Variants in ZFHX4 observed in about 807,000 individuals in gnomAD.
ZFHX4 encodes zinc finger homeobox 4.
Under a neutral mutation model 267.6 loss-of-function variants are expected in ZFHX4, and 56 were observed. The ratio of observed to expected loss-of-function variants is 0.21; its 90% confidence interval spans 0.17 to 0.26. ZFHX4 has a LOEUF of 0.26. Ranked by LOEUF, ZFHX4 falls within the 10% of genes least tolerant of loss-of-function variation. The probability of loss-of-function intolerance (pLI) is 1.00; values close to 1 mark genes in which losing one functional copy is unlikely to be tolerated. For synonymous variants in ZFHX4, 1,778 were observed against 1,665.6 expected (o/e 1.07, Z -1.64); for missense variants, 4,332 against 4,420.0 (o/e 0.98, Z 0.56).
At chr8:76,738,237 A>G (rs1809217121) in intron 3 of ZFHX4, among the ~76,000 whole-genome samples, 1 of 152,134 alleles carries the variant, frequency 6.6e-6, no homozygotes, top group Non-Finnish European at 1.5e-5. Flanking sequence ...AGGTGCCCCC[A>G]TTAAGATCCT....
At chr8:76,775,134 G>T (rs1366664829) in intron 3 of ZFHX4, among the ~76,000 whole-genome samples, 1 of 152,170 alleles carries the variant, frequency 6.6e-6, no homozygotes. Context: ...TGAGAAAAAT[G>T]TGAAGACAGT....
At chr8:76,783,745 A>G (rs1246522575) in intron 4 of ZFHX4, among the ~76,000 whole-genome samples, 2 of 152,060 alleles carry the variant, frequency 1.3e-5, no homozygotes, top group Non-Finnish European at 2.9e-5. Context: ...GTTTTTATTT[A>G]GCTTTGTGAT....
At position 76,855,983 on chromosome 8, in the gene ZFHX4, C is replaced by T; in HGVS notation, c.9062C>T (p.Ser3021Phe). The change falls in exon 10 of 11, where the codon TCC becomes TTC. Residue 3021 changes from serine (S) to phenylalanine (F), a missense_variant. This residue lies in a region of ZFHX4 where 1,648 missense variants were observed against 1,625.0 expected (regional missense o/e 1.01). Coordinates refer to ENST00000651372, the MANE Select transcript of ZFHX4 (RefSeq NM_024721.5). ...LCGVKYSARL[S>F]IRDHIFSKQH... is the part of the protein sequence containing the mutation. ...GGGGTGAAGTACTCTGCCCGCTTGTCCATCAGAGATCACATTTTCTCCAAA... is the reference window on the plus strand; with the variant it reads ...GGGGTGAAGTACTCTGCCCGCTTGTTCATCAGAGATCACATTTTCTCCAAA... The T allele has an allele frequency of 6.2e-7, 1 of 1,613,984 alleles. No homozygotes were observed. The highest frequency in any genetic ancestry group is 8.5e-7 in the Non-Finnish European group (1 of 1,179,882).
Position 76,721,030 on chromosome 8 carries a change from T to TG in ZFHX4, c.3093+12983dup, listed in dbSNP as rs140682493. Among the ~76,000 whole-genome samples the TG allele has an allele frequency of 1.3e-3, 192 of 152,274 alleles. 4 individuals carry two copies. In the East Asian group the frequency reaches 0.033, roughly 26 times the overall value. On this transcript the variant is annotated intron_variant, in intron 3 of 10. Transcript: ENST00000651372. ...AGGGGATACCTGGAAGGGAAGGCCC[T>TG]GTTTGTGGCAGAAGGGGATGGGAAT...
intron 4 of ZFHX4, among the ~76,000 whole-genome samples, chr8:76,783,114 G>A (rs1472614929): frequency 6.6e-6 from 1 of 151,954 alleles, no homozygotes; most frequent in South Asian, 2.1e-4. Flanking sequence ...ATGGCCTCAC[G>A]AAATGGCATC....
At chr8:76,778,510 A>AC in intron 4 of ZFHX4, 71 bp downstream of exon 4, 1 of 1,055,840 alleles carries the variant, frequency 9.5e-7, no homozygotes, top group Non-Finnish European at 1.4e-6. Context: ...CACACACACA[A>AC]ACACACACAC....
rs371535436 is a variant in ZFHX4 at position 76,852,097 on chromosome 8, C to T, written c.5176C>T (p.Pro1726Ser). The change falls in exon 10 of 11, where the codon CCA becomes TCA. Residue 1726 changes from proline (P) to serine (S), a missense_variant. Around this residue, in one of 7 missense-constraint regions of ZFHX4, gnomAD observed 1,371 missense variants for 1,423.1 expected, o/e 0.96. Transcript: ENST00000651372. Reference protein sequence around the residue: ...PAFLPHFPMTPEALLQFQQPQ... With the variant: ...PAFLPHFPMTSEALLQFQQPQ... ...CTTTTTGCCTCATTTTCCTATGACC[C>T]CAGAAGCACTGCTGCAGTTTCAGCA... is the stretch of plus-strand genomic sequence containing the variant. 3.1e-6 allele frequency: 5 copies of T among 1,613,950 alleles called. No homozygotes were observed. The East Asian group carries it at 8.9e-5, about 29-fold the overall frequency.
chr8:76,810,813 T>C (rs1027810854), intron 4 of ZFHX4, among the ~76,000 whole-genome samples: 1 of 152,210 alleles, frequency 6.6e-6, no homozygotes, highest in African/African-American at 2.4e-5. Context: ...AACTAATATT[T>C]TTTTTCATAT....
intron 4 of ZFHX4, among the ~76,000 whole-genome samples, chr8:76,784,455 G>T (rs1338671680): frequency 2.0e-5 from 3 of 152,024 alleles, no homozygotes; most frequent in African/African-American, 4.8e-5. Context: ...GCAGTCATGT[G>T]TGAGATTTAA....
chr8:76,821,987 C>T (rs1342195321), intron 4 of ZFHX4, among the ~76,000 whole-genome samples: 2 of 152,116 alleles, frequency 1.3e-5, no homozygotes, highest in East Asian at 3.9e-4. Flanking sequence ...TTCTCTATCT[C>T]TCTCTCTGTT....
intron 3 of ZFHX4, among the ~76,000 whole-genome samples, chr8:76,725,395 T>A (rs1187514133): frequency 6.6e-6 from 1 of 152,134 alleles, no homozygotes; most frequent in Non-Finnish European, 1.5e-5. Context: ...CCACAAGAGC[T>A]ACGTTTTAAA....
intron 3 of ZFHX4, among the ~76,000 whole-genome samples, chr8:76,762,753 T>A (rs966860303): frequency 6.6e-6 from 1 of 152,206 alleles, no homozygotes; most frequent in Admixed American, 6.5e-5. Context: ...CAATCTGTAG[T>A]CATCTTTTAT....
At chr8:76,744,517 A>G (rs900691590) in intron 3 of ZFHX4, among the ~76,000 whole-genome samples, 2 of 151,884 alleles carry the variant, frequency 1.3e-5, no homozygotes, top group Admixed American at 6.6e-5. Flanking sequence ...GGTTCAAGCG[A>G]TTCTCCCACC....
intron 4 of ZFHX4, among the ~76,000 whole-genome samples, chr8:76,797,326 G>T (rs1282207384): frequency 6.6e-6 from 1 of 152,124 alleles, no homozygotes; most frequent in Admixed American, 6.6e-5. Context: ...TTAGAAAAGC[G>T]CTGATAAACC....
chr8:76,780,050 G>A (rs561724533), intron 4 of ZFHX4, among the ~76,000 whole-genome samples: 26 of 136,692 alleles, frequency 1.9e-4, no homozygotes, highest in Non-Finnish European at 3.1e-4. Context: ...AGGATAAAAA[G>A]TAAAATTAAA....
At chr8:76,801,091 T>C (rs1811106285) in intron 4 of ZFHX4, among the ~76,000 whole-genome samples, 2 of 152,150 alleles carry the variant, frequency 1.3e-5, no homozygotes, top group African/African-American at 4.8e-5. Context: ...GTTGTTGTTG[T>C]TCTGTAGCAC....
chr8:76,716,989 A>AGC (rs1448148351), intron 3 of ZFHX4, among the ~76,000 whole-genome samples: 1 of 152,098 alleles, frequency 6.6e-6, no homozygotes, highest in African/African-American at 2.4e-5. Context: ...TAATGCACTA[A>AGC]ATGGTACCCT....
In ZFHX4 at chr8:76,863,839, A is replaced by G. The variant is rs1812947668; in HGVS notation, c.10125A>G (p.Glu3375=). ...AGGAAGACAAAAGTACTGCTACAGAAAGCACAAAAGAAGAACCCCAGTTAG... is the reference window on the plus strand; with the variant it reads ...AGGAAGACAAAAGTACTGCTACAGAGAGCACAAAAGAAGAACCCCAGTTAG... The part of the protein sequence containing the change: ...ETKEDKSTAT[E]STKEEPQLES... The change falls in exon 11 of 11, where the codon GAA becomes GAG. Residue 3375 remains glutamate, a synonymous_variant. Transcript: ENST00000651372. 2 of 1,553,878 alleles carry G rather than the reference A, an allele frequency of 1.3e-6. No individual in the cohort carries two copies. The highest frequency in any genetic ancestry group is 1.7e-6 in the Non-Finnish European group (2 of 1,148,014).
At position 76,854,966 on chromosome 8, in the gene ZFHX4, C is replaced by A. The variant is rs755004156; in HGVS notation, c.8045C>A (p.Ala2682Asp). 6.2e-7 allele frequency: 1 copy of A among 1,613,928 alleles called. No individual in the cohort carries two copies. Among genetic ancestry groups the A allele is most frequent in the Non-Finnish European group, 8.5e-7 (1 of 1,179,866 alleles). ...CATAAACGGTGTCCGTTTTGCCGAG[C>A]CCTGTTTAAAGCAAAGTCGGCCTTA... ...QSHKRCPFCR[A>D]LFKAKSALES... is the part of the protein sequence containing the mutation. The change falls in exon 10 of 11, where the codon GCC becomes GAC. Residue 2682 changes from alanine (A) to aspartate (D), a missense_variant. Physicochemically the swap from Ala to Asp is moderately radical, Grantham distance 126 (BLOSUM62 -2). This residue lies in a region of ZFHX4 where 1,648 missense variants were observed against 1,625.0 expected (regional missense o/e 1.01). Coordinates refer to ENST00000651372, the MANE Select transcript of ZFHX4 (RefSeq NM_024721.5).
Sources: allele counts gnomAD v4.1 joint callset (sites outside exome capture counted in the v4.1 genomes callset), GRCh38; gene constraint gnomAD v4.1.1; regional missense constraint gnomAD v4.1.1; transcripts MANE v1.5; gene names NCBI Gene and HGNC (gene_info 2026-07-23, HGNC 2026-07-21).